Variants in KCNQ1OT1 observed in about 807,000 individuals in gnomAD.
KCNQ1OT1 encodes KCNQ1 antisense RNA 2 (non-protein coding).
chr11:2,635,488 T>C (rs1589995102), exon 1 of KCNQ1OT1: 1 of 152,236 alleles, frequency 6.6e-6, no homozygotes, highest in Non-Finnish European at 1.5e-5. Context: ...GATCAGATGA[T>C]TGTAGATGTG....
chr11:2,693,460 C>T lies in KCNQ1OT1; in HGVS notation n.6535G>A, dbSNP rs563198285. 2.2e-4 allele frequency: 89 copies of T among 398,692 alleles called. No individual in the cohort carries two copies. In the East Asian group the frequency reaches 3.2e-3, roughly 14 times the overall value. The allele number at this position is 398,692 out of a possible 1,614,324, so 24.7% of individuals were successfully genotyped here. On this transcript the variant is annotated non_coding_transcript_exon_variant, in exon 1 of 1. Transcript: ENST00000597346. ...TGGCCCCCCATCGAGTCCCCATTCT[C>T]TAATGCTAATTGCTACAATTAGCAG...
At position 2,673,753 on chromosome 11, in the gene KCNQ1OT1, T is replaced by A. The variant is rs1850232732; in HGVS notation, n.26242A>T. On this transcript the variant is annotated non_coding_transcript_exon_variant, in exon 1 of 1. Coordinates refer to ENST00000597346, the Ensembl canonical transcript of KCNQ1OT1. This position sits in a 1 kb window ranked among gnomAD's most constrained non-coding sequence, Gnocchi z 4.5. ...AGACTGGACAGGGGAAGGGGTACAG[T>A]CCCTTCTTGCTGGTATGTTGGGAAG... The A allele has an allele frequency of 5.0e-6, 2 of 398,498 alleles. No homozygotes were observed. The highest frequency in any genetic ancestry group is 7.2e-5 in the East Asian group (2 of 27,958). 24.7% of individuals were successfully genotyped at this position (398,498 alleles called of 1,614,324 possible). A position where few individuals can be genotyped will look rare whatever the true frequency, so the allele number is the denominator to read the frequency against.
chr11:2,652,239 C>G lies in KCNQ1OT1; in HGVS notation n.47756G>C. ...CGGATGCTGAGAATGAGGCCTGCAA[C>G]TCATTTCCCCATTAAACATTCTGAG... On this transcript the variant is annotated non_coding_transcript_exon_variant, in exon 1 of 1. Transcript: ENST00000597346. The surrounding 1 kb of genome is among the most constrained non-coding windows in gnomAD (Gnocchi z 5.9). The G allele has an allele frequency of 2.5e-6, 1 of 398,668 alleles. No homozygotes were observed. The highest frequency in any genetic ancestry group is 4.4e-6 in the Non-Finnish European group (1 of 226,090). The allele number at this position is 398,668 out of a possible 1,614,324, so 24.7% of individuals were successfully genotyped here. A position where few individuals can be genotyped will look rare whatever the true frequency, so the allele number is the denominator to read the frequency against.
exon 1 of KCNQ1OT1, chr11:2,614,347 C>T: frequency 2.5e-6 from 1 of 398,462 alleles, no homozygotes; most frequent in African/African-American, 2.1e-5. Flanking sequence ...GTCTTCTGTG[C>T]ACCCTTTAAA....
In KCNQ1OT1 at chr11:2,642,715, G is replaced by A. The variant is rs1302129594; in HGVS notation, n.57280C>T. On this transcript the variant is annotated non_coding_transcript_exon_variant, in exon 1 of 1. Transcript: ENST00000597346. This position sits in a 1 kb window ranked among gnomAD's most constrained non-coding sequence, Gnocchi z 4.3. ...CTTCTACTAATTTTATGTTTAGTATGGTTTGTTCTTGCTTTTCTGGTTCCT... is the reference window on the plus strand; with the variant it reads ...CTTCTACTAATTTTATGTTTAGTATAGTTTGTTCTTGCTTTTCTGGTTCCT... The A allele has an allele frequency of 5.0e-6, 2 of 397,618 alleles. No homozygotes were observed. The highest frequency in any genetic ancestry group is 4.4e-5 in the Admixed American group (1 of 22,690). 24.6% of individuals were successfully genotyped at this position (397,618 alleles called of 1,614,324 possible).
Position 2,674,832 on chromosome 11 carries a change from TAAAAAAAAAAAA to T in KCNQ1OT1, n.25151_25162del, listed in dbSNP as rs34219164. 6 of 303,900 alleles carry T rather than the reference TAAAAAAAAAAAA, an allele frequency of 2.0e-5. No homozygotes were observed. Among genetic ancestry groups the T allele is most frequent in the East Asian group, 4.8e-5 (1 of 20,794 alleles). 18.8% of individuals were successfully genotyped at this position (303,900 alleles called of 1,614,324 possible). A position where few individuals can be genotyped will look rare whatever the true frequency, so the allele number is the denominator to read the frequency against. ...GCTTGTCACCCTAATAGCTGTTTTTTAAAAAAAAAAAAAAAAAAAAAAAAAAAAGCTCACTGG... is the reference window on the plus strand; with the variant it reads ...GCTTGTCACCCTAATAGCTGTTTTTTAAAAAAAAAAAAAAAAGCTCACTGG... On this transcript the variant is annotated non_coding_transcript_exon_variant, in exon 1 of 1. Coordinates refer to ENST00000597346, the Ensembl canonical transcript of KCNQ1OT1. The surrounding 1 kb of genome is among the most constrained non-coding windows in gnomAD (Gnocchi z 5.9).
Position 2,611,824 on chromosome 11 carries a change from A to C in KCNQ1OT1, n.88171T>G, listed in dbSNP as rs1378864000. On this transcript the variant is annotated non_coding_transcript_exon_variant, in exon 1 of 1. Transcript: ENST00000597346. This position sits in a 1 kb window ranked among gnomAD's most constrained non-coding sequence, Gnocchi z 5.3. ...TTACTGCCTTCTGCAGGTTGAATAG[A>C]TATGTTCTAGAGTACCATTCTAATT... 1 of 398,294 alleles carries C rather than the reference A, an allele frequency of 2.5e-6. No homozygotes were observed. The highest frequency in any genetic ancestry group is 3.6e-5 in the East Asian group (1 of 28,028). The allele number at this position is 398,294 out of a possible 1,614,324, so 24.7% of individuals were successfully genotyped here. A position where few individuals can be genotyped will look rare whatever the true frequency, so the allele number is the denominator to read the frequency against.
At position 2,624,354 on chromosome 11, in the gene KCNQ1OT1, C is replaced by A. The variant is rs766068814; in HGVS notation, n.75641G>T. On this transcript the variant is annotated non_coding_transcript_exon_variant, in exon 1 of 1. Coordinates refer to ENST00000597346, the Ensembl canonical transcript of KCNQ1OT1. The surrounding 1 kb of genome is among the most constrained non-coding windows in gnomAD (Gnocchi z 4.9). The stretch of plus-strand genomic sequence containing the variant: ...GTATATCTTTTACAAGTATTGTCTC[C>A]CTTCTGTGGCCTGTCCTTTCATCCT... 19 of 398,272 alleles carry A rather than the reference C, an allele frequency of 4.8e-5. No homozygotes were observed. The highest frequency in any genetic ancestry group is 6.2e-5 in the Non-Finnish European group (14 of 226,010). 24.7% of individuals were successfully genotyped at this position (398,272 alleles called of 1,614,324 possible). A position where few individuals can be genotyped will look rare whatever the true frequency, so the allele number is the denominator to read the frequency against.
At chr11:2,667,501 A>G (rs1454956276) in exon 1 of KCNQ1OT1, 2 of 357,294 alleles carry the variant, frequency 5.6e-6, no homozygotes, top group African/African-American at 4.4e-5. Context: ...TTCACGCCAC[A>G]GAGGTGGCTG....
At chr11:2,636,115 T>A (rs1194258782) in exon 1 of KCNQ1OT1, 1 of 152,234 alleles carries the variant, frequency 6.6e-6, no homozygotes, top group African/African-American at 2.4e-5. Flanking sequence ...AAATATACAA[T>A]CATGTCATCT....
In KCNQ1OT1 at chr11:2,661,012, A is replaced by G. The variant is rs1175514012; in HGVS notation, n.38983T>C. The G allele has an allele frequency of 1.8e-5, 7 of 398,518 alleles. No individual in the cohort carries two copies. Among genetic ancestry groups the G allele is most frequent in the South Asian group, 1.3e-4 (1 of 7,866 alleles). The allele number at this position is 398,518 out of a possible 1,614,324, so 24.7% of individuals were successfully genotyped here. A position where few individuals can be genotyped will look rare whatever the true frequency, so the allele number is the denominator to read the frequency against. ...GACTAAAATAATTAAATCCATGCCT[A>G]TATACCTAGAGAAAAATGAAATGAG... On this transcript the variant is annotated non_coding_transcript_exon_variant, in exon 1 of 1. Transcript: ENST00000597346. This position sits in a 1 kb window ranked among gnomAD's most constrained non-coding sequence, Gnocchi z 5.9.
rs957357853 is a variant in KCNQ1OT1 at position 2,620,721 on chromosome 11, G to A, written n.79274C>T. 2 of 398,434 alleles carry A rather than the reference G, an allele frequency of 5.0e-6. No individual in the cohort carries two copies. The highest frequency in any genetic ancestry group is 4.1e-5 in the African/African-American group (2 of 48,590). 24.7% of individuals were successfully genotyped at this position (398,434 alleles called of 1,614,324 possible). Reference sequence around the variant, plus strand: ...ATATATATCCAGTAATGGGATTGCTGGGTCAGATGGTAGTTCTGTTTTCAG... The same window carrying A: ...ATATATATCCAGTAATGGGATTGCTAGGTCAGATGGTAGTTCTGTTTTCAG... On this transcript the variant is annotated non_coding_transcript_exon_variant, in exon 1 of 1. Coordinates refer to ENST00000597346, the Ensembl canonical transcript of KCNQ1OT1. This position sits in a 1 kb window ranked among gnomAD's most constrained non-coding sequence, Gnocchi z 4.5.
In KCNQ1OT1 at chr11:2,623,909, C is replaced by T; in HGVS notation, n.76086G>A. 1 of 398,526 alleles carries T rather than the reference C, an allele frequency of 2.5e-6. No individual in the cohort carries two copies. The highest frequency in any genetic ancestry group is 4.4e-6 in the Non-Finnish European group (1 of 226,054). The allele number at this position is 398,526 out of a possible 1,614,324, so 24.7% of individuals were successfully genotyped here. On this transcript the variant is annotated non_coding_transcript_exon_variant, in exon 1 of 1. Transcript: ENST00000597346. This position sits in a 1 kb window ranked among gnomAD's most constrained non-coding sequence, Gnocchi z 5.2. The stretch of plus-strand genomic sequence containing the variant: ...ACATTCAGAAGTGGAATTGATGGAT[C>T]CTATGATAATTCCATTTTTAATTCT...
At position 2,683,793 on chromosome 11, in the gene KCNQ1OT1, C is replaced by T; in HGVS notation, n.16202G>A. 5.0e-6 allele frequency: 2 copies of T among 398,620 alleles called. No homozygotes were observed. Among genetic ancestry groups the T allele is most frequent in the Non-Finnish European group, 8.8e-6 (2 of 226,072 alleles). 24.7% of individuals were successfully genotyped at this position (398,620 alleles called of 1,614,324 possible). A position where few individuals can be genotyped will look rare whatever the true frequency, so the allele number is the denominator to read the frequency against. ...TAAGGCTGGCTGCTCTTACTCTATA[C>T]CCCAAAATCCCAGCCACTAGCTTGC... On this transcript the variant is annotated non_coding_transcript_exon_variant, in exon 1 of 1. Coordinates refer to ENST00000597346, the Ensembl canonical transcript of KCNQ1OT1. This position sits in a 1 kb window ranked among gnomAD's most constrained non-coding sequence, Gnocchi z 4.7.
chr11:2,653,894 G>GGAAGATTTGA lies in KCNQ1OT1; in HGVS notation n.46091_46100dup, dbSNP rs1376014663. 9 of 398,566 alleles carry GGAAGATTTGA rather than the reference G, an allele frequency of 2.3e-5. No individual in the cohort carries two copies. Among genetic ancestry groups the GGAAGATTTGA allele is most frequent in the African/African-American group, 1.9e-4 (9 of 48,628 alleles). 24.7% of individuals were successfully genotyped at this position (398,566 alleles called of 1,614,324 possible). A position where few individuals can be genotyped will look rare whatever the true frequency, so the allele number is the denominator to read the frequency against. The stretch of plus-strand genomic sequence containing the variant: ...GAGTGGGAAAGGAAGAGCCCCCTAA[G>GGAAGATTTGA]GAAGATTTGAGAAGCTGTTCCCAGA... On this transcript the variant is annotated non_coding_transcript_exon_variant, in exon 1 of 1. Coordinates refer to ENST00000597346, the Ensembl canonical transcript of KCNQ1OT1. This position sits in a 1 kb window ranked among gnomAD's most constrained non-coding sequence, Gnocchi z 5.3.
exon 1 of KCNQ1OT1, chr11:2,693,845 C>T (rs1220134052): frequency 5.0e-6 from 2 of 398,770 alleles, no homozygotes; most frequent in Non-Finnish European, 4.4e-6. Context: ...TTAGAGGCCA[C>T]CCCTTGCCCT....
rs1188159572 is a variant in KCNQ1OT1, at chr11:2,661,582, G to A, written n.38413C>T. The A allele has an allele frequency of 3.6e-6, 2 of 560,420 alleles. No homozygotes were observed. Among genetic ancestry groups the A allele is most frequent in the Non-Finnish European group, 3.2e-6 (1 of 315,416 alleles). 34.7% of individuals were successfully genotyped at this position (560,420 alleles called of 1,614,324 possible). On this transcript the variant is annotated non_coding_transcript_exon_variant, in exon 1 of 1. Coordinates refer to ENST00000597346, the Ensembl canonical transcript of KCNQ1OT1. The surrounding 1 kb of genome is among the most constrained non-coding windows in gnomAD (Gnocchi z 5.9). ...AGTGTGACAATGTATGGTGGTGGGA[G>A]CTGTTGTCCCTTACCAGGCCTGTGC... is the stretch of plus-strand genomic sequence containing the variant.
exon 1 of KCNQ1OT1, chr11:2,614,377 C>A (rs1478565997): frequency 1.0e-5 from 4 of 398,294 alleles, no homozygotes; most frequent in Non-Finnish European, 1.8e-5. Flanking sequence ...TAACAGAAAC[C>A]ATTTCAAAAT....
exon 1 of KCNQ1OT1, chr11:2,685,451 CA>C (rs1850471023): frequency 2.5e-6 from 1 of 398,726 alleles, no homozygotes; most frequent in Non-Finnish European, 4.4e-6. Context: ...AGCCCTTATC[CA>C]GAAGCCCAGT....
Sources: gnomAD v4.1 joint callset for allele counts on GRCh38, gnomAD v4.1.1 for gene constraint, Gnocchi (gnomAD v3.1) non-coding constraint, MANE v1.5 for transcripts, NCBI Gene and HGNC (gene_info 2026-07-23, HGNC 2026-07-21) for gene names.